PLPPR1: variants seen among roughly 807,000 people sequenced by gnomAD.
PLPPR1 encodes the protein phospholipid phosphatase-related protein type 1.
A neutral mutation model predicts 33.1 loss-of-function variants in PLPPR1; 10 were observed. That is an observed-to-expected ratio of 0.30 (90% CI 0.19 to 0.51). The LOEUF is 0.51. Ranked by LOEUF, PLPPR1 falls within the 20% of genes least tolerant of loss-of-function variation. The pLI is 0.97. For missense variants in PLPPR1, 304 were observed against 408.1 expected (o/e 0.74, Z 2.20); for synonymous variants, 151 against 151.0 (o/e 1.00, Z 0.00).
chr9:101,145,690 A>G (rs1831512352), intron 1 of PLPPR1, among the ~76,000 whole-genome samples: 1 of 146,252 alleles, frequency 6.8e-6, no homozygotes, highest in Non-Finnish European at 1.5e-5. Context: ...AATATATATG[A>G]TTTGTCAGTT....
At chr9:101,140,261 G>A (rs984966173) in intron 1 of PLPPR1, among the ~76,000 whole-genome samples, 2 of 152,136 alleles carry the variant, frequency 1.3e-5, no homozygotes, top group Non-Finnish European at 2.9e-5. Context: ...AGGTGAATAA[G>A]TAGAGAAAGT....
intron 2 of PLPPR1, among the ~76,000 whole-genome samples, chr9:101,214,459 G>A (rs1161600739): frequency 6.6e-6 from 1 of 151,430 alleles, no homozygotes; most frequent in African/African-American, 2.4e-5. Context: ...AATGTACTGT[G>A]TAATAAAATC....
At chr9:101,036,000 C>G (rs528511927) in intron 1 of PLPPR1, among the ~76,000 whole-genome samples, 1 of 152,258 alleles carries the variant, frequency 6.6e-6, no homozygotes, top group South Asian at 2.1e-4. Flanking sequence ...GTGAGAGAAG[C>G]AAACGCAGGA....
chr9:101,301,386 T>C (rs1247306083), intron 4 of PLPPR1, among the ~76,000 whole-genome samples: 1 of 152,208 alleles, frequency 6.6e-6, no homozygotes, highest in East Asian at 1.9e-4. Context: ...GCAATATCAA[T>C]AAAGGGCTCA....
intron 1 of PLPPR1, among the ~76,000 whole-genome samples, chr9:101,148,546 T>G (rs1276830716): frequency 1.3e-5 from 2 of 152,222 alleles, no homozygotes; most frequent in East Asian, 3.9e-4. Flanking sequence ...TTATGTGAGG[T>G]TAAGCCCTTT....
intron 2 of PLPPR1, among the ~76,000 whole-genome samples, chr9:101,215,267 C>G (rs1461484280): frequency 6.6e-6 from 1 of 151,942 alleles, no homozygotes; most frequent in African/African-American, 2.4e-5. Flanking sequence ...ATTGTGCTAC[C>G]TGATACTAGG....
At chr9:101,319,498 G>A (rs535867396) in intron 7 of PLPPR1, among the ~76,000 whole-genome samples, 32 of 152,054 alleles carry the variant, frequency 2.1e-4, no homozygotes, top group African/African-American at 7.5e-4. Flanking sequence ...ATCTACCTCC[G>A]TATCTCCATT....
intron 1 of PLPPR1, among the ~76,000 whole-genome samples, chr9:101,162,824 T>C (rs1825786915): frequency 6.6e-6 from 1 of 152,176 alleles, no homozygotes; most frequent in Admixed American, 6.5e-5. Flanking sequence ...ATGCAGTTAA[T>C]TAAGGCCTTC....
chr9:101,281,345 A>G (rs942583966), intron 3 of PLPPR1, among the ~76,000 whole-genome samples: 28 of 152,278 alleles, frequency 1.8e-4, no homozygotes, highest in African/African-American at 6.7e-4. Flanking sequence ...AAAGTGATCC[A>G]CAGATTCAGT....
At chr9:101,162,001 G>A (rs1831782968) in intron 1 of PLPPR1, among the ~76,000 whole-genome samples, 1 of 151,774 alleles carries the variant, frequency 6.6e-6, no homozygotes, top group Admixed American at 6.6e-5. Context: ...TCTGACTTTA[G>A]AGTGCCGTGG....
chr9:101,254,218 G>A (rs546004322), intron 2 of PLPPR1, among the ~76,000 whole-genome samples: 69 of 151,944 alleles, frequency 4.5e-4, no homozygotes, highest in Non-Finnish European at 8.1e-4. Context: ...CTCACCATAC[G>A]TAGAATCAGT....
intron 4 of PLPPR1, among the ~76,000 whole-genome samples, chr9:101,294,955 A>G (rs1485595016): frequency 2.0e-5 from 3 of 152,182 alleles, no homozygotes; most frequent in African/African-American, 7.2e-5. Context: ...GGCCAGGGCA[A>G]TTAGGCAGGA....
intron 2 of PLPPR1, among the ~76,000 whole-genome samples, chr9:101,213,595 C>T (rs954036540): frequency 2.0e-5 from 3 of 152,096 alleles, no homozygotes; most frequent in Admixed American, 2.0e-4. Context: ...ATGGGAAAAC[C>T]TATGACCACC....
chr9:101,098,487 T>C (rs529091949), intron 1 of PLPPR1, among the ~76,000 whole-genome samples: 29 of 152,168 alleles, frequency 1.9e-4, no homozygotes, highest in Admixed American at 9.8e-4. Context: ...GTGGAGATGA[T>C]CTGTCAGTGA....
intron 1 of PLPPR1, among the ~76,000 whole-genome samples, chr9:101,102,146 T>C (rs1361792526): frequency 1.8e-5 from 2 of 112,574 alleles, no homozygotes; most frequent in Non-Finnish European, 3.4e-5. Flanking sequence ...TTCTTTTTTT[T>C]TTTATTTTAT....
At chr9:101,236,051 C>G (rs1484117204) in intron 2 of PLPPR1, among the ~76,000 whole-genome samples, 1 of 151,670 alleles carries the variant, frequency 6.6e-6, no homozygotes. Context: ...ATTTGTCTTA[C>G]TGTTTCTTCA....
At chr9:101,287,931 A>T (rs1249678911) in intron 4 of PLPPR1, among the ~76,000 whole-genome samples, 1 of 152,218 alleles carries the variant, frequency 6.6e-6, no homozygotes, top group African/African-American at 2.4e-5. Flanking sequence ...AGATTTTATG[A>T]CTACTGTCCG....
chr9:101,236,460 A>G (rs1429673530), intron 2 of PLPPR1, among the ~76,000 whole-genome samples: 1 of 151,620 alleles, frequency 6.6e-6, no homozygotes, highest in Non-Finnish European at 1.5e-5. Context: ...AATGTGGACC[A>G]AAGGACAGAA....
chr9:101,046,679 G>A (rs557925748), intron 1 of PLPPR1, among the ~76,000 whole-genome samples: 2 of 151,902 alleles, frequency 1.3e-5, no homozygotes, highest in African/African-American at 2.4e-5. Context: ...TCCTGACCTC[G>A]TGATCCACCT....
Sources: allele counts gnomAD v4.1 joint callset (sites outside exome capture counted in the v4.1 genomes callset), GRCh38; gene constraint gnomAD v4.1.1; transcripts MANE v1.5; gene names NCBI Gene and HGNC (gene_info 2026-07-23, HGNC 2026-07-21).